The following AAMDC variants were observed in gnomAD, a reference collection of about 807,000 sequenced individuals.
AAMDC encodes adipogenesis associated Mth938 domain containing, also known as mth938 domain-containing protein.
In AAMDC, 16 loss-of-function variants were observed where a neutral mutation model predicts 15.5. That is an observed-to-expected ratio of 1.03 (90% CI 0.70 to 1.57). AAMDC has a LOEUF of 1.57. Among genes scored for constraint, AAMDC ranks in the 40% most tolerant of loss-of-function variants. The probability of loss-of-function intolerance (pLI) is 0.00; values close to 1 mark genes in which losing one functional copy is unlikely to be tolerated. For synonymous variants in AAMDC, 51 were observed against 51.6 expected (o/e 0.99, Z 0.05); for missense variants, 141 against 144.9 (o/e 0.97, Z 0.14).
chr11:77,892,201 G>A lies in AAMDC; in HGVS notation c.329-8370G>A, dbSNP rs549811100. On this transcript the variant is annotated intron_variant, in intron 5 of 5. Coordinates refer to the AAMDC transcript ENST00000304716. The stretch of plus-strand genomic sequence containing the variant: ...TACGAAGCGCCAAGCACTATTTTAG[G>A]TTCTGGAAACACAGTGAACGGAAGA... 2.6e-5 allele frequency among the ~76,000 whole-genome samples: 4 copies of A among 152,188 alleles called. No homozygotes were observed. The East Asian group carries it at 7.7e-4, about 29-fold the overall frequency.
At chr11:77,874,470 A>G (rs1003104430), downstream of AAMDC, among the ~76,000 whole-genome samples, 3 of 151,404 alleles carry the variant, frequency 2.0e-5, no homozygotes. Flanking sequence ...AGTTGTCTCC[A>G]ATTAAAGAGA....
chr11:77,901,547 A>G (rs1214958300), downstream of AAMDC: 2 of 1,601,640 alleles, frequency 1.2e-6, no homozygotes, highest in Non-Finnish European at 1.7e-6. Flanking sequence ...GGTCTCTTCC[A>G]TAATCTATAA....
chr11:77,863,559 C>T (rs584732), intron 2 of AAMDC, among the ~76,000 whole-genome samples: 60,591 of 151,898 alleles, frequency 0.4, 12,663 homozygotes, highest in African/African-American at 0.51. Context: ...TGGCTAATTT[C>T]TGTAATTTTA....
chr11:77,832,983 G>A (rs1306536208), intron 1 of AAMDC, among the ~76,000 whole-genome samples: 3 of 38,584 alleles, frequency 7.8e-5, no homozygotes, highest in Admixed American at 2.5e-4. Context: ...GTGTGTGTGT[G>A]TGTGTGTGTG....
intron 1 of AAMDC, among the ~76,000 whole-genome samples, chr11:77,837,010 C>T (rs1949710025): frequency 1.3e-5 from 2 of 152,220 alleles, no homozygotes; most frequent in Non-Finnish European, 2.9e-5. Context: ...TTTGTCTTCT[C>T]TACTGTAGTA....
chr11:77,860,376 A>T (rs1950824842), intron 2 of AAMDC, among the ~76,000 whole-genome samples: 1 of 152,198 alleles, frequency 6.6e-6, no homozygotes, highest in African/African-American at 2.4e-5. Context: ...GTTTGGGATG[A>T]GGATAAGCCA....
intron 5 of AAMDC, among the ~76,000 whole-genome samples, chr11:77,891,112 G>C (rs1425657785): frequency 6.6e-6 from 1 of 152,108 alleles, no homozygotes; most frequent in African/African-American, 2.4e-5. Context: ...GTCAGTTGTA[G>C]AATCTGAGAC....
In AAMDC at chr11:77,865,516, C is replaced by G. The variant is rs530253461; in HGVS notation, c.133-4206C>G. 2.6e-5 allele frequency among the ~76,000 whole-genome samples: 4 copies of G among 152,344 alleles called. No homozygotes were observed. In the East Asian group the frequency reaches 7.7e-4, roughly 29 times the overall value. Reference sequence around the variant, plus strand: ...TATATATGAAATCATTTCTTCTGCTCATGTTCCATTGAATTTTATATTAGT... The same window carrying G: ...TATATATGAAATCATTTCTTCTGCTGATGTTCCATTGAATTTTATATTAGT... On this transcript the variant is annotated intron_variant, in intron 2 of 3. Transcript: ENST00000393427.
downstream of AAMDC, among the ~76,000 whole-genome samples, chr11:77,873,525 A>G (rs1396994111): frequency 1.3e-5 from 2 of 152,254 alleles, no homozygotes; most frequent in African/African-American, 2.4e-5. Context: ...ATTTACGGAC[A>G]GCCTATTACT....
At chr11:77,852,943 G>A (rs1181514934) in intron 2 of AAMDC, among the ~76,000 whole-genome samples, 1 of 151,966 alleles carries the variant, frequency 6.6e-6, no homozygotes, top group Non-Finnish European at 1.5e-5. Flanking sequence ...TTAGTCCTAA[G>A]GGATGGGTAC....
At chr11:77,891,241 G>A in intron 5 of AAMDC, 3 of 1,373,190 alleles carry the variant, frequency 2.2e-6, no homozygotes, top group South Asian at 1.3e-5. Context: ...CTCAAGTAGA[G>A]ACTACAGGGG....
chr11:77,901,392 C>T (rs376821979), downstream of AAMDC: 1,586 of 1,612,742 alleles, frequency 9.8e-4, 1 homozygote, highest in Non-Finnish European at 1.3e-3. Context: ...AGGAACATGC[C>T]ACATATTTTG....
At chr11:77,822,346 C>T (rs1483579595) in intron 1 of AAMDC, among the ~76,000 whole-genome samples, 2 of 134,144 alleles carry the variant, frequency 1.5e-5, no homozygotes, top group East Asian at 4.4e-4. Context: ...ACCGGGGAGG[C>T]GAAGGTTGCA....
chr11:77,892,455 T>C (rs1203889455), intron 5 of AAMDC, among the ~76,000 whole-genome samples: 5 of 152,210 alleles, frequency 3.3e-5, no homozygotes. Context: ...TGAAGAACTT[T>C]GGGGATTCAG....
chr11:77,895,953 T>G (rs1014123308), intron 5 of AAMDC, among the ~76,000 whole-genome samples: 1 of 152,022 alleles, frequency 6.6e-6, no homozygotes, highest in African/African-American at 2.4e-5. Flanking sequence ...AGAATACAAA[T>G]TACCAATTTA....
intron 2 of AAMDC, among the ~76,000 whole-genome samples, chr11:77,846,436 T>C (rs1053440990): frequency 1.3e-5 from 2 of 152,344 alleles, no homozygotes; most frequent in Admixed American, 1.3e-4. Context: ...CTGGCCAACA[T>C]GGTGAAACCC....
intron 5 of AAMDC, among the ~76,000 whole-genome samples, chr11:77,890,103 A>C (rs1472292992): frequency 2.6e-5 from 4 of 152,198 alleles, no homozygotes; most frequent in African/African-American, 9.7e-5. Context: ...ATGCTTTCTG[A>C]GTAATCCTAA....
Position 77,883,133 on chromosome 11 carries a change from G to A in AAMDC, c.328+6084G>A, listed in dbSNP as rs73497913. ...AATTATGTGTTTAAAAACACAGAGT[G>A]AAAGAAAATTCCAAAAGGCATTCCC... On this transcript the variant is annotated intron_variant, in intron 5 of 5. Coordinates refer to the AAMDC transcript ENST00000304716. Among the ~76,000 whole-genome samples the A allele has an allele frequency of 4.9e-3, 751 of 152,048 alleles. 8 individuals carry two copies. The highest frequency in any genetic ancestry group is 0.017 in the African/African-American group (719 of 41,438).
intron 1 of AAMDC, among the ~76,000 whole-genome samples, 153 bp downstream of exon 1, chr11:77,821,394 G>T (rs1948892026): frequency 6.6e-6 from 1 of 152,140 alleles, no homozygotes; most frequent in Admixed American, 6.5e-5. Context: ...TTAATTAGGG[G>T]CTGGGCTGGG....
Sources: gnomAD v4.1 joint callset for allele counts (sites outside exome capture counted in the v4.1 genomes callset) on GRCh38, gnomAD v4.1.1 for gene constraint, MANE v1.5 for transcripts, NCBI Gene and HGNC (gene_info 2026-07-23, HGNC 2026-07-21) for gene names.